The following SMARCA4 variants were observed in gnomAD, a reference collection of about 807,000 sequenced individuals.
The protein encoded by SMARCA4 is SWI/SNF-related matrix-associated actin-dependent regulator of chromatin subfamily A member 4.
Under a neutral mutation model 193.9 loss-of-function variants are expected in SMARCA4, and 31 were observed. The observed-to-expected ratio is 0.16, with a 90% CI of 0.12 to 0.22. The LOEUF is 0.22. SMARCA4 is among the 10% of genes least tolerant of loss of function. The pLI is 1.00. For missense variants in SMARCA4, 1,148 were observed against 2,296.0 expected, an observed-to-expected ratio of 0.50 and a Z score of 10.22; for synonymous variants, 942 against 933.1, an observed-to-expected ratio of 1.01 and a Z score of -0.17.
At chr19:10,966,557 C>T (rs72660224) in intron 1 of SMARCA4, among the ~76,000 whole-genome samples, 2,016 of 152,106 alleles carry the variant, frequency 0.013, 48 homozygotes, top group African/African-American at 0.046. Context: ...CACTGCACTC[C>T]AACCTGGGTG....
At chr19:11,018,797 T>TCCTC in intron 16 of SMARCA4, 160 bp from the exon 17 acceptor site, 2 of 756,156 alleles carry the variant, frequency 2.6e-6, no homozygotes, top group East Asian at 2.5e-5. Context: ...CAGTCTCTCT[T>TCCTC]CCTCCCTCCC....
At chr19:11,054,994 T>C (rs2076461459) in intron 30 of SMARCA4, among the ~76,000 whole-genome samples, 1 of 152,106 alleles carries the variant, frequency 6.6e-6, no homozygotes, top group Non-Finnish European at 1.5e-5. Context: ...GGCTGCAGCA[T>C]GTCCCTCTTT....
intron 8 of SMARCA4, 77 bp from the exon 9 acceptor site, chr19:10,994,751 T>C (rs892924276): frequency 7.4e-7 from 1 of 1,357,398 alleles, no homozygotes; most frequent in African/African-American, 1.4e-5. Context: ...ATATTCTAGG[T>C]TTTAAACAAG....
At chr19:11,045,565 A>C (rs1386638847) in intron 30 of SMARCA4, among the ~76,000 whole-genome samples, 1 of 152,156 alleles carries the variant, frequency 6.6e-6, no homozygotes, top group Non-Finnish European at 1.5e-5. Context: ...TTGGTTTTTG[A>C]AAAGACAGAA....
At chr19:11,014,290 C>G (rs2089151267) in intron 16 of SMARCA4, among the ~76,000 whole-genome samples, 1 of 152,188 alleles carries the variant, frequency 6.6e-6, no homozygotes, top group Non-Finnish European at 1.5e-5. Flanking sequence ...GGTCACACAC[C>G]CATAGGGTAG....
At chr19:11,059,922 G>C (rs537747757) in intron 33 of SMARCA4, 37 bp downstream of exon 33, 1 of 1,613,476 alleles carries the variant, frequency 6.2e-7, no homozygotes, top group Non-Finnish European at 8.5e-7. Context: ...CGGGGTTCAC[G>C]CTGGCCCGAG....
chr19:10,987,096 C>T lies in SMARCA4; in HGVS notation c.859+93C>T, dbSNP rs138145522. On this transcript the variant is annotated intron_variant, in intron 5 of 34. Transcript: ENST00000344626. The surrounding 1 kb of genome is among the most constrained non-coding windows in gnomAD (Gnocchi z 5.3). The stretch of plus-strand genomic sequence containing the variant: ...ATGAGCTTTGTCAGGGAGAAAGGGC[C>T]GAGGGTGGTCAGGCTGAACTGCAGC... 178 of 922,448 alleles carry T rather than the reference C, an allele frequency of 1.9e-4. No individual in the cohort carries two copies. The highest frequency in any genetic ancestry group is 1.9e-3 in the East Asian group (74 of 39,036). 57.1% of individuals were successfully genotyped at this position (922,448 alleles called of 1,614,324 possible). A position where few individuals can be genotyped will look rare whatever the true frequency, so the allele number is the denominator to read the frequency against.
At chr19:11,025,047 C>T (rs1319132856) in intron 21 of SMARCA4, among the ~76,000 whole-genome samples, 1 of 151,344 alleles carries the variant, frequency 6.6e-6, no homozygotes, top group Non-Finnish European at 1.5e-5. Flanking sequence ...CATGGCTCAC[C>T]CGGCTGAGGC....
intron 1 of SMARCA4, chr19:10,977,943 C>G (rs904327793): frequency 1.3e-5 from 2 of 152,310 alleles, no homozygotes; most frequent in African/African-American, 4.8e-5. Context: ...GCAGTGAGTT[C>G]CACTGTGGCC....
chr19:11,001,784 A>G (rs1054913117), intron 11 of SMARCA4, among the ~76,000 whole-genome samples: 1 of 152,226 alleles, frequency 6.6e-6, no homozygotes, highest in Non-Finnish European at 1.5e-5. Context: ...GGAAGATGAA[A>G]ACCAAAATTT....
rs375812959 is a variant in SMARCA4, at chr19:10,984,278, A to G, written c.127A>G (p.Met43Val). The G allele has an allele frequency of 6.2e-7, 1 of 1,610,788 alleles. No individual in the cohort carries two copies. The highest frequency in any genetic ancestry group is 8.5e-7 in the Non-Finnish European group (1 of 1,178,948). The change falls in exon 2 of 35, where the codon ATG becomes GTG. Residue 43 changes from methionine to valine, a missense_variant. Met to Val is a conservative substitution (Grantham distance 21, BLOSUM62 1). This residue lies in a region of SMARCA4 where 201 missense variants were observed against 248.3 expected (regional missense o/e 0.81). Coordinates refer to ENST00000344626, the MANE Select transcript of SMARCA4 (RefSeq NM_003072.5). This position sits in a 1 kb window ranked among gnomAD's most constrained non-coding sequence, Gnocchi z 4.3. ...CTCGCCGGGCTCCGCCCACAGCATG[A>G]TGGGGCCCAGCCCAGGGCCGCCCTC... Reference protein sequence around the residue: ...GPSPGSAHSMMGPSPGPPSAG... With the variant: ...GPSPGSAHSMVGPSPGPPSAG...
In SMARCA4 at chr19:10,986,411, G is replaced by T. The variant is rs767036812; in HGVS notation, c.578G>T (p.Gly193Val). 1 of 1,586,598 alleles carries T rather than the reference G, an allele frequency of 6.3e-7. No homozygotes were observed. Among genetic ancestry groups the T allele is most frequent in the Non-Finnish European group, 8.6e-7 (1 of 1,166,992 alleles). ...QIMAYKMLAR[G>V]QPLPDHLQMA... ...ATGGCCTACAAGATGCTGGCCAGGGGGCAGCCCCTCCCCGACCACCTGCAG... is the reference window on the plus strand; with the variant it reads ...ATGGCCTACAAGATGCTGGCCAGGGTGCAGCCCCTCCCCGACCACCTGCAG... Residue 193 changes from glycine (G) to valine (V), a missense_variant, in exon 4 of 35, where the codon GGG (glycine) becomes GTG (valine). Gly to Val is a moderately radical substitution (Grantham distance 109). Transcript: ENST00000344626. This position sits in a 1 kb window ranked among gnomAD's most constrained non-coding sequence, Gnocchi z 6.7.
intron 29 of SMARCA4, among the ~76,000 whole-genome samples, chr19:11,036,511 G>A (rs1026398920): frequency 2.0e-5 from 3 of 152,094 alleles, no homozygotes; most frequent in Admixed American, 6.6e-5. Context: ...CACCCGCCTC[G>A]GCCTGCAGAG....
rs1216430707 is a variant in SMARCA4 at position 11,033,345 on chromosome 19, T to C, written c.3602T>C (p.Val1201Ala). The stretch of plus-strand genomic sequence containing the variant: ...ATCGGGCAGCAGAACGAGGTGCGTG[T>C]GCTCCGCCTCTGCACCGTCAACAGC... ...HRIGQQNEVR[V>A]LRLCTVNSVE... is the part of the protein sequence containing the mutation. Residue 1201 changes from valine to alanine, a missense_variant, in exon 26 of 35, where the codon GTG (valine) becomes GCG (alanine). Val to Ala is a moderately conservative substitution (Grantham distance 64, BLOSUM62 0). Transcript: ENST00000344626. The surrounding 1 kb of genome is among the most constrained non-coding windows in gnomAD (Gnocchi z 9.8). The C allele has an allele frequency of 6.2e-7, 1 of 1,613,196 alleles. No homozygotes were observed.
rs1012932760 is a variant in SMARCA4 at position 11,041,977 on chromosome 19, G to A, written c.4424+417G>A. On this transcript the variant is annotated intron_variant, in intron 30 of 34. Transcript: ENST00000344626. The surrounding 1 kb of genome is among the most constrained non-coding windows in gnomAD (Gnocchi z 5.6). ...TATATGGCAGTAATGGGTGCTGCCC[G>A]TGTGGCCAGGAGGTTGGGGACAAGA... Among the ~76,000 whole-genome samples, 3 of 152,156 alleles carry A rather than the reference G, an allele frequency of 2.0e-5. No homozygotes were observed. The highest frequency in any genetic ancestry group is 2.1e-4 in the South Asian group (1 of 4,826).
intron 1 of SMARCA4, among the ~76,000 whole-genome samples, chr19:10,963,868 C>T (rs2084008088): frequency 6.6e-6 from 1 of 151,178 alleles, no homozygotes; most frequent in South Asian, 2.1e-4. Flanking sequence ...GCAGGAGGTA[C>T]AGGCTGCAGT....
rs1426965340 is a variant in SMARCA4 at position 11,034,495 on chromosome 19, G to GA, written c.3951+296dup. ...GGCTTCATGCACTCCCTTTCAGAGGGAGTTCGCCCTATCCAAGGCCAAGGG... is the reference window on the plus strand; with the variant it reads ...GGCTTCATGCACTCCCTTTCAGAGGGAAGTTCGCCCTATCCAAGGCCAAGGG... On this transcript the variant is annotated intron_variant, in intron 28 of 34. Transcript: ENST00000344626. The surrounding 1 kb of genome is among the most constrained non-coding windows in gnomAD (Gnocchi z 7.0). Among the ~76,000 whole-genome samples the GA allele has an allele frequency of 4.6e-5, 7 of 152,278 alleles. No homozygotes were observed. The highest frequency in any genetic ancestry group is 4.6e-4 in the Admixed American group (7 of 15,302).
intron 30 of SMARCA4, among the ~76,000 whole-genome samples, chr19:11,047,255 G>C (rs1029457412): frequency 6.6e-6 from 1 of 152,108 alleles, no homozygotes; most frequent in Non-Finnish European, 1.5e-5. Context: ...GGGGCCTCTT[G>C]GGGGCCAAGG....
At chr19:11,051,442 G>T (rs943619391) in intron 30 of SMARCA4, among the ~76,000 whole-genome samples, 43 of 151,732 alleles carry the variant, frequency 2.8e-4, no homozygotes, top group Non-Finnish European at 5.4e-4. Context: ...CTTCCTTTCA[G>T]TGAGCCTGTG....
Sources: allele counts gnomAD v4.1 joint callset (sites outside exome capture counted in the v4.1 genomes callset), GRCh38; gene constraint gnomAD v4.1.1; regional missense constraint gnomAD v4.1.1; non-coding constraint Gnocchi (gnomAD v3.1); transcripts MANE v1.5; gene names NCBI Gene and HGNC (gene_info 2026-07-23, HGNC 2026-07-21).